Variants in ITPK1 observed in about 807,000 individuals in gnomAD.
ITPK1 encodes the protein inositol-tetrakisphosphate 1-kinase, also known as inositol 1,3,4-trisphosphate 5/6-kinase.
A neutral mutation model predicts 45.3 loss-of-function variants in ITPK1; 21 were observed. That is an observed-to-expected ratio of 0.46 (90% CI 0.33 to 0.67). The LOEUF is 0.67. Among genes scored for constraint, ITPK1 ranks in the 30% least tolerant of loss-of-function variants. The probability of loss-of-function intolerance (pLI) is 0.02; values close to 1 mark genes in which losing one functional copy is unlikely to be tolerated. For synonymous variants in ITPK1, 258 were observed against 253.6 expected (o/e 1.02, Z -0.16); for missense variants, 474 against 573.5 (o/e 0.83, Z 1.77).
At chr14:93,066,175 A>C (rs1890735692) in intron 3 of ITPK1, 1 of 448,674 alleles carries the variant, frequency 2.2e-6, no homozygotes, top group African/African-American at 2.0e-5. Context: ...TCAGTCCTTA[A>C]TTCACTCACC....
intron 3 of ITPK1, among the ~76,000 whole-genome samples, chr14:93,061,278 C>T (rs918090167): frequency 1.3e-5 from 2 of 152,182 alleles, no homozygotes; most frequent in Non-Finnish European, 2.9e-5. Flanking sequence ...GTTGGTGTTA[C>T]GACAACCCCT....
chr14:93,029,114 T>C (rs1004370631), intron 3 of ITPK1, among the ~76,000 whole-genome samples: 1 of 152,200 alleles, frequency 6.6e-6, no homozygotes, highest in African/African-American at 2.4e-5. Context: ...CCATACAGTA[T>C]ATATTGGGCA....
chr14:93,112,470 C>T (rs1892792480), intron 2 of ITPK1, among the ~76,000 whole-genome samples: 1 of 139,012 alleles, frequency 7.2e-6, no homozygotes, highest in Non-Finnish European at 1.5e-5. Context: ...GATGGAGTCT[C>T]GCTCTGTCAC....
At chr14:93,013,102 T>A (rs954657534) in intron 4 of ITPK1, among the ~76,000 whole-genome samples, 1 of 152,122 alleles carries the variant, frequency 6.6e-6, no homozygotes, top group African/African-American at 2.4e-5. Flanking sequence ...CCGGCCCCAC[T>A]TGCCCACGTG....
At chr14:93,073,674 T>C (rs879603355) in intron 3 of ITPK1, among the ~76,000 whole-genome samples, 2 of 152,140 alleles carry the variant, frequency 1.3e-5, no homozygotes, top group Admixed American at 6.5e-5. Flanking sequence ...CAGAAGCATT[T>C]AGTAAATGGA....
At chr14:92,964,724 G>A (rs556996607) in intron 5 of ITPK1, among the ~76,000 whole-genome samples, 2 of 152,298 alleles carry the variant, frequency 1.3e-5, no homozygotes, top group East Asian at 1.9e-4. Flanking sequence ...GCCACCTCCT[G>A]GAAGAGCTTC....
intron 3 of ITPK1, among the ~76,000 whole-genome samples, chr14:93,046,767 C>T (rs1889795220): frequency 1.3e-5 from 2 of 152,186 alleles, no homozygotes; most frequent in African/African-American, 2.4e-5. Context: ...ATAAAAGCAG[C>T]AAACGATGGT....
chr14:92,946,624 T>G (rs1887704022), intron 9 of ITPK1, 131 bp from the exon 10 acceptor site: 1 of 906,720 alleles, frequency 1.1e-6, no homozygotes, highest in East Asian at 2.6e-5. Flanking sequence ...ACAGACCTAC[T>G]GTGGTGAGCA....
chr14:93,109,543 T>C (rs1422946063), intron 2 of ITPK1, among the ~76,000 whole-genome samples: 1 of 152,168 alleles, frequency 6.6e-6, no homozygotes, highest in Non-Finnish European at 1.5e-5. Flanking sequence ...ACTTGGCATT[T>C]TCAGGAAATC....
Position 92,938,638 on chromosome 14 carries a change from T to C in ITPK1, c.*2923A>G. 1.1e-6 allele frequency: 1 copy of C among 880,582 alleles called. No individual in the cohort carries two copies. Among genetic ancestry groups the C allele is most frequent in the Non-Finnish European group, 1.9e-6 (1 of 537,018 alleles). 54.5% of individuals were successfully genotyped at this position (880,582 alleles called of 1,614,324 possible). On this transcript the variant is annotated 3_prime_UTR_variant, in exon 11 of 11. Coordinates refer to ENST00000267615, the MANE Select transcript of ITPK1 (RefSeq NM_014216.6). ...CCCATGGAACCTGCCAGGTTGCAGC[T>C]GGGTCCAATCCCGCCGGCCATGCTG...
intron 3 of ITPK1, among the ~76,000 whole-genome samples, chr14:93,052,830 C>T (rs568966796): frequency 6.6e-6 from 1 of 152,202 alleles, no homozygotes; most frequent in African/African-American, 2.4e-5. Context: ...CTCCCAGATG[C>T]CCCAAAGACT....
intron 2 of ITPK1, among the ~76,000 whole-genome samples, chr14:93,103,331 A>G (rs1185038534): frequency 6.6e-6 from 1 of 151,940 alleles, no homozygotes; most frequent in Non-Finnish European, 1.5e-5. Context: ...AGGCAGGAGA[A>G]TCGCTTGAAC....
intron 2 of ITPK1, among the ~76,000 whole-genome samples, chr14:93,088,553 G>C (rs1891744365): frequency 6.6e-6 from 1 of 151,978 alleles, no homozygotes; most frequent in Non-Finnish European, 1.5e-5. Context: ...ACGGGGTTTT[G>C]CCATGGTGAC....
chr14:93,002,822 G>C (rs1887418926), intron 4 of ITPK1, among the ~76,000 whole-genome samples: 1 of 152,216 alleles, frequency 6.6e-6, no homozygotes, highest in African/African-American at 2.4e-5. Flanking sequence ...GCAAGGGAGA[G>C]TGGCAGAGCT....
intron 9 of ITPK1, among the ~76,000 whole-genome samples, 180 bp from the exon 10 acceptor site, chr14:92,946,673 G>A (rs1001266488): frequency 7.2e-5 from 11 of 152,218 alleles, no homozygotes; most frequent in South Asian, 4.1e-4. Flanking sequence ...TCTGAGGGCC[G>A]CCAGGCACGA....
intron 3 of ITPK1, among the ~76,000 whole-genome samples, chr14:93,056,005 G>A (rs545492260): frequency 6.6e-6 from 1 of 152,314 alleles, no homozygotes; most frequent in Non-Finnish European, 1.5e-5. Context: ...GAGGTGTTTA[G>A]GCCACAGGAG....
chr14:92,946,201 G>T, intron 10 of ITPK1, 130 bp downstream of exon 10: 2 of 1,061,696 alleles, frequency 1.9e-6, no homozygotes, highest in South Asian at 1.4e-5. Context: ...TCTCGGGGCT[G>T]CACCTCCCCG....
intron 5 of ITPK1, among the ~76,000 whole-genome samples, chr14:92,969,981 G>A (rs1885567595): frequency 6.6e-6 from 1 of 152,124 alleles, no homozygotes; most frequent in East Asian, 1.9e-4. Context: ...GTCCAGAAAG[G>A]GGAAGGAACT....
At chr14:92,967,983 C>G (rs1885463890) in intron 5 of ITPK1, among the ~76,000 whole-genome samples, 1 of 152,160 alleles carries the variant, frequency 6.6e-6, no homozygotes, top group Non-Finnish European at 1.5e-5. Flanking sequence ...GTAGTGATGA[C>G]CGCACAATTT....
Sources: allele counts gnomAD v4.1 joint callset (sites outside exome capture counted in the v4.1 genomes callset), GRCh38; gene constraint gnomAD v4.1.1; transcripts MANE v1.5; gene names NCBI Gene and HGNC (gene_info 2026-07-23, HGNC 2026-07-21).